The following CUX1 variants were observed in gnomAD, a reference collection of about 807,000 sequenced individuals.
CUX1 encodes cut like homeobox 1, also known as protein CASP.
In CUX1, 31 loss-of-function variants were observed where a neutral mutation model predicts 158.8. The ratio of observed to expected loss-of-function variants is 0.20; its 90% CI spans 0.15 to 0.26. The LOEUF is 0.26. Among genes scored for constraint, CUX1 ranks in the 10% least tolerant of loss-of-function variants. The pLI, the probability that CUX1 is intolerant of heterozygous loss-of-function variation, is 1.00. For synonymous variants in CUX1, 879 were observed against 862.1 expected (o/e 1.02, Z -0.34); for missense variants, 1,589 against 2,014.6 (o/e 0.79, Z 4.04).
rs1801489713 is a variant in CUX1 at position 102,251,384 on chromosome 7, T to C, written c.*2342T>C. 1.0e-6 allele frequency: 1 copy of C among 985,308 alleles called. No individual in the cohort carries two copies. Among genetic ancestry groups the C allele is most frequent in the South Asian group, 4.7e-5 (1 of 21,292 alleles). The allele number at this position is 985,308 out of a possible 1,614,324, so 61.0% of individuals were successfully genotyped here. On this transcript the variant is annotated 3_prime_UTR_variant, in exon 24 of 24. Transcript: ENST00000292535. ...GCATGATGTTTTAGAGATTATTTCA[T>C]TTACAGTCTTTTAACCTGCAGCTGC...
At chr7:101,831,934 G>T (rs191766764) in intron 1 of CUX1, among the ~76,000 whole-genome samples, 3 of 151,834 alleles carry the variant, frequency 2.0e-5, no homozygotes, top group Non-Finnish European at 2.9e-5. Context: ...TGTAGAGATG[G>T]GGGGGTCTCA....
intron 11 of CUX1, among the ~76,000 whole-genome samples, chr7:102,187,565 C>G (rs1373496711): frequency 6.6e-6 from 1 of 152,198 alleles, no homozygotes; most frequent in African/African-American, 2.4e-5. Flanking sequence ...CTCTGAGACC[C>G]TCTGTGTGCT....
exon 17 of CUX1, chr7:102,275,328 G>A (rs782492544): frequency 9.9e-6 from 16 of 1,612,528 alleles, no homozygotes; most frequent in East Asian, 2.2e-5. Flanking sequence ...CAGAGGGAGC[G>A]CTTCCGTGCC....
chr7:102,267,597 C>T (rs774008638), intron 14 of CUX1, among the ~76,000 whole-genome samples: 2 of 152,148 alleles, frequency 1.3e-5, no homozygotes, highest in South Asian at 4.1e-4. Flanking sequence ...AGGTACAACA[C>T]CGCTGGCCTC....
chr7:101,895,891 GTTTTTTTTTTGTTTTTGTTT>G (rs757261782), intron 1 of CUX1, among the ~76,000 whole-genome samples: 8,026 of 112,674 alleles, frequency 0.071, 348 homozygotes, highest in Non-Finnish European at 0.088. Flanking sequence ...CACCTGTAAA[GTTTTTTTTTTGTTTTTGTTT>G]TTTTTTTTTT....
chr7:102,229,077 C>G (rs1219442837), intron 21 of CUX1, among the ~76,000 whole-genome samples: 1 of 152,196 alleles, frequency 6.6e-6, no homozygotes, highest in Non-Finnish European at 1.5e-5. Flanking sequence ...TTTATCATTG[C>G]TGTTCCCGCT....
intron 2 of CUX1, among the ~76,000 whole-genome samples, chr7:101,920,995 T>G (rs1804854021): frequency 6.6e-6 from 1 of 151,936 alleles, no homozygotes; most frequent in East Asian, 1.9e-4. Flanking sequence ...CCTGCTAATT[T>G]TATGTTTTGA....
intron 9 of CUX1, among the ~76,000 whole-genome samples, chr7:102,160,165 C>T (rs1554506625): frequency 2.0e-5 from 3 of 147,566 alleles, no homozygotes; most frequent in Admixed American, 1.4e-4. Context: ...GATGACAGAG[C>T]GAGAATCTGT....
chr7:102,109,185 TAAC>T (rs1398389668), intron 6 of CUX1, among the ~76,000 whole-genome samples: 11 of 152,176 alleles, frequency 7.2e-5, no homozygotes, highest in African/African-American at 2.7e-4. Flanking sequence ...AAACAAATAA[TAAC>T]ATTTTAAAAA....
chr7:102,185,997 C>T (rs892034270), intron 11 of CUX1, among the ~76,000 whole-genome samples: 30 of 152,298 alleles, frequency 2.0e-4, no homozygotes, highest in African/African-American at 5.8e-4. Flanking sequence ...ACGCGGCCAG[C>T]GGTAGCGTGA....
intron 2 of CUX1, among the ~76,000 whole-genome samples, chr7:102,024,782 T>C (rs982994028): frequency 6.6e-6 from 1 of 152,194 alleles, no homozygotes; most frequent in African/African-American, 2.4e-5. Flanking sequence ...TTTTCCCTTG[T>C]TACCCTTTGT....
At chr7:101,921,089 G>A (rs1268510868) in intron 2 of CUX1, among the ~76,000 whole-genome samples, 1 of 152,120 alleles carries the variant, frequency 6.6e-6, no homozygotes, top group African/African-American at 2.4e-5. Flanking sequence ...TTCCCAAAGT[G>A]TCGGGATTAC....
intron 3 of CUX1, among the ~76,000 whole-genome samples, chr7:102,055,660 C>T (rs1046253668): frequency 6.6e-6 from 1 of 152,138 alleles, no homozygotes; most frequent in Non-Finnish European, 1.5e-5. Context: ...TTTCTTGAGA[C>T]ACAACAATAT....
chr7:101,828,538 A>G (rs540387507), intron 1 of CUX1, among the ~76,000 whole-genome samples: 2 of 152,274 alleles, frequency 1.3e-5, no homozygotes, highest in East Asian at 1.9e-4. Flanking sequence ...TCAAAACCCA[A>G]AAAAATCTAA....
rs551960508 is a variant in CUX1 at position 102,152,546 on chromosome 7, C to T, written c.675-6014C>T. ...AGCTGGGACTACAGGCATGCACCAC[C>T]ACACCCGGCTAATTTTTGTACTTTT... is the stretch of plus-strand genomic sequence containing the variant. On this transcript the variant is annotated intron_variant, in intron 8 of 23. Transcript: ENST00000292535. 9.9e-5 allele frequency among the ~76,000 whole-genome samples: 15 copies of T among 152,264 alleles called. No homozygotes were observed. The East Asian group carries it at 2.7e-3, about 27-fold the overall frequency.
intron 5 of CUX1, among the ~76,000 whole-genome samples, chr7:102,101,917 A>T (rs79772734): frequency 2.9e-4 from 10 of 34,620 alleles, no homozygotes; most frequent in African/African-American, 6.7e-4. Flanking sequence ...GTCTCAATAA[A>T]AAAAAAAAAA....
intron 14 of CUX1, among the ~76,000 whole-genome samples, chr7:102,268,468 C>G (rs967986271): frequency 6.6e-6 from 1 of 152,128 alleles, no homozygotes; most frequent in African/African-American, 2.4e-5. Context: ...GCTGTCTCCC[C>G]TGCCTCCTGC....
intron 20 of CUX1, among the ~76,000 whole-genome samples, chr7:102,205,557 A>G (rs1186051655): frequency 1.3e-5 from 2 of 152,098 alleles, no homozygotes; most frequent in Non-Finnish European, 2.9e-5. Flanking sequence ...ATCTAACCGG[A>G]AGACATCCAG....
chr7:101,871,383 G>A (rs1424154588), intron 1 of CUX1, among the ~76,000 whole-genome samples: 2 of 151,914 alleles, frequency 1.3e-5, no homozygotes, highest in African/African-American at 4.8e-5. Context: ...TGTAGAGGGG[G>A]TTGGCAGGGC....
Sources: gnomAD v4.1 joint callset for allele counts (sites outside exome capture counted in the v4.1 genomes callset) on GRCh38, gnomAD v4.1.1 for gene constraint, MANE v1.5 for transcripts, NCBI Gene and HGNC (gene_info 2026-07-23, HGNC 2026-07-21) for gene names.